Variants in SLC39A11 observed in about 807,000 individuals in gnomAD.
SLC39A11 encodes the protein solute carrier family 39 member 11.
In SLC39A11, 33 loss-of-function variants were observed where a neutral mutation model predicts 36.1. The observed-to-expected ratio is 0.91, with a 90% CI of 0.69 to 1.22. The LOEUF (loss-of-function observed/expected upper bound fraction) is 1.22. Ranked by LOEUF, SLC39A11 falls within the 50% of genes most tolerant of loss-of-function variation. The pLI is 0.00. For synonymous variants in SLC39A11, 166 were observed against 170.3 expected, an observed-to-expected ratio of 0.97 and a Z score of 0.20; for missense variants, 432 against 430.3, an observed-to-expected ratio of 1.00 and a Z score of -0.03.
At chr17:72,983,284 G>GTTCCT (rs2088472104) in intron 4 of SLC39A11, among the ~76,000 whole-genome samples, 1 of 152,010 alleles carries the variant, frequency 6.6e-6, no homozygotes, top group African/African-American at 2.4e-5. Context: ...TGAGGAGCTG[G>GTTCCT]GATTACAGGC....
At position 72,971,317 on chromosome 17, in the gene SLC39A11, T is replaced by C. The variant is rs200594130; in HGVS notation, c.307-23442A>G. Among the ~76,000 whole-genome samples, 577 of 144,606 alleles carry C rather than the reference T, an allele frequency of 4.0e-3. 3 individuals carry two copies. Among genetic ancestry groups the C allele is most frequent in the Admixed American group, 6.5e-3 (95 of 14,554 alleles). The allele number at this position is 144,606 out of a possible 152,430, so 94.9% of individuals were successfully genotyped here. ...ACTGCTCACCCCCTCCACACACACA[T>C]ACACACACACACACACACACTCTCT... On this transcript the variant is annotated intron_variant, in intron 4 of 9. Transcript: ENST00000255559.
intron 5 of SLC39A11, among the ~76,000 whole-genome samples, chr17:72,945,934 T>C (rs999239721): frequency 6.6e-6 from 1 of 152,182 alleles, no homozygotes; most frequent in Non-Finnish European, 1.5e-5. Context: ...CACCAGCCCA[T>C]GGCCCTGAAG....
chr17:73,044,021 TAC>T (rs1337438913), intron 3 of SLC39A11, among the ~76,000 whole-genome samples: 6 of 152,164 alleles, frequency 3.9e-5, no homozygotes, highest in Non-Finnish European at 5.9e-5. Context: ...CAGCTTCAAT[TAC>T]AGTTATTAAT....
At chr17:72,758,200 A>G (rs1186007375) in intron 6 of SLC39A11, among the ~76,000 whole-genome samples, 3 of 152,174 alleles carry the variant, frequency 2.0e-5, no homozygotes. Flanking sequence ...GTTAGTATTT[A>G]TTGAATAAGT....
chr17:72,699,086 C>T (rs563458782), intron 7 of SLC39A11, among the ~76,000 whole-genome samples: 91 of 152,248 alleles, frequency 6.0e-4, no homozygotes, highest in African/African-American at 2.0e-3. Context: ...GCCTTGGCCT[C>T]CCAAAGTGCT....
chr17:72,766,379 A>C (rs1441823226), intron 6 of SLC39A11, among the ~76,000 whole-genome samples: 1 of 152,150 alleles, frequency 6.6e-6, no homozygotes, highest in East Asian at 1.9e-4. Flanking sequence ...AAAAACATAG[A>C]TCTCAGCACC....
intron 5 of SLC39A11, among the ~76,000 whole-genome samples, chr17:72,864,997 A>T (rs868702320): frequency 3.3e-5 from 5 of 152,220 alleles, no homozygotes; most frequent in African/African-American, 9.7e-5. Context: ...AGCAAGATGA[A>T]GGATAAAGAT....
intron 7 of SLC39A11, among the ~76,000 whole-genome samples, chr17:72,685,865 G>C (rs975828025): frequency 2.6e-5 from 4 of 151,934 alleles, no homozygotes; most frequent in Non-Finnish European, 5.9e-5. Flanking sequence ...ATGAAACCCT[G>C]TCTCTACCAA....
chr17:73,071,217 T>C (rs2060152538), intron 3 of SLC39A11, among the ~76,000 whole-genome samples: 1 of 152,208 alleles, frequency 6.6e-6, no homozygotes, highest in African/African-American at 2.4e-5. Context: ...AGACTACAGA[T>C]GCTAGCGACT....
intron 7 of SLC39A11, among the ~76,000 whole-genome samples, chr17:72,673,512 C>G (rs1195219158): frequency 6.6e-6 from 1 of 151,294 alleles, no homozygotes; most frequent in Non-Finnish European, 1.5e-5. Flanking sequence ...TAATAGAATT[C>G]CTGTGAGAAA....
intron 5 of SLC39A11, among the ~76,000 whole-genome samples, chr17:72,866,179 G>A (rs1451969202): frequency 6.6e-6 from 1 of 152,176 alleles, no homozygotes; most frequent in Non-Finnish European, 1.5e-5. Context: ...CCTCCCGTCA[G>A]ATCACCAGTG....
intron 7 of SLC39A11, among the ~76,000 whole-genome samples, chr17:72,690,983 T>C (rs1336131725): frequency 5.9e-5 from 9 of 152,144 alleles, no homozygotes; most frequent in African/African-American, 2.2e-4. Flanking sequence ...AGGGAGGAAG[T>C]GGCCACACTG....
intron 4 of SLC39A11, among the ~76,000 whole-genome samples, chr17:73,005,127 G>A (rs1461763324): frequency 6.6e-6 from 1 of 152,126 alleles, no homozygotes; most frequent in Non-Finnish European, 1.5e-5. Flanking sequence ...CTCCCAAGTA[G>A]CTGGGATTAC....
At chr17:72,872,876 G>C (rs368720507) in intron 5 of SLC39A11, among the ~76,000 whole-genome samples, 2 of 151,878 alleles carry the variant, frequency 1.3e-5, no homozygotes, top group African/African-American at 4.8e-5. Context: ...CTAACATGGC[G>C]AAACCCTGTC....
intron 7 of SLC39A11, among the ~76,000 whole-genome samples, chr17:72,691,060 G>C (rs889763089): frequency 6.6e-6 from 1 of 152,206 alleles, no homozygotes; most frequent in Non-Finnish European, 1.5e-5. Flanking sequence ...TAGCTCAAAG[G>C]AATGATTCCA....
At chr17:72,798,013 C>T (rs950196483) in intron 6 of SLC39A11, among the ~76,000 whole-genome samples, 1 of 152,060 alleles carries the variant, frequency 6.6e-6, no homozygotes, top group African/African-American at 2.4e-5. Flanking sequence ...ACAGACGTGA[C>T]CACAGACTTA....
chr17:72,822,339 G>C (rs1057374800), intron 6 of SLC39A11, among the ~76,000 whole-genome samples: 7 of 147,760 alleles, frequency 4.7e-5, no homozygotes, highest in African/African-American at 1.7e-4. Flanking sequence ...GAGAGAGAGA[G>C]AAAGAATATA....
chr17:72,657,507 G>A (rs1440300483), intron 7 of SLC39A11, among the ~76,000 whole-genome samples: 1 of 152,220 alleles, frequency 6.6e-6, no homozygotes, highest in African/African-American at 2.4e-5. Context: ...AGTAGCAATG[G>A]TTTACCTCAT....
intron 4 of SLC39A11, among the ~76,000 whole-genome samples, chr17:72,995,100 C>G (rs532883739): frequency 6.6e-6 from 1 of 152,296 alleles, no homozygotes; most frequent in East Asian, 1.9e-4. Flanking sequence ...GACCTCATCT[C>G]TCAACACTTT....
Sources: allele counts gnomAD v4.1 joint callset (sites outside exome capture counted in the v4.1 genomes callset), GRCh38; gene constraint gnomAD v4.1.1; transcripts MANE v1.5; gene names NCBI Gene and HGNC (gene_info 2026-07-23, HGNC 2026-07-21).